Variants in CYP2R1 observed in about 807,000 individuals in gnomAD.
CYP2R1 encodes vitamin D 25-hydroxylase.
In CYP2R1, 40 loss-of-function variants were observed where a neutral mutation model predicts 45.7. That is an observed-to-expected ratio of 0.87 (90% CI 0.68 to 1.14). The LOEUF (loss-of-function observed/expected upper bound fraction) is 1.14. Ranked by LOEUF, CYP2R1 falls within the 50% of genes most tolerant of loss-of-function variation. CYP2R1 has a pLI of 0.00. For missense variants in CYP2R1, 605 were observed against 602.6 expected (o/e 1.00, Z -0.04); for synonymous variants, 234 against 219.3 (o/e 1.07, Z -0.59).
intron 2 of CYP2R1, among the ~76,000 whole-genome samples, chr11:14,881,987 A>T (rs926550189): frequency 2.0e-5 from 3 of 152,120 alleles, no homozygotes; most frequent in Non-Finnish European, 4.4e-5. Context: ...TTACATTCCA[A>T]CAACTTATTG....
chr11:14,891,319 AG>A (rs1848846544), intron 1 of CYP2R1: 3 of 985,274 alleles, frequency 3.0e-6, no homozygotes, highest in Admixed American at 6.2e-5. Flanking sequence ...GCGCCTTTTA[AG>A]TATCTGCTAA....
At chr11:14,885,466 C>T (rs901213634) in intron 2 of CYP2R1, among the ~76,000 whole-genome samples, 2 of 152,136 alleles carry the variant, frequency 1.3e-5, no homozygotes, top group East Asian at 1.9e-4. Flanking sequence ...AAGGGCACTT[C>T]GGATTCAAGT....
chr11:14,892,383 T>C (rs1848897797), upstream of CYP2R1: 9 of 643,270 alleles, frequency 1.4e-5, no homozygotes, highest in South Asian at 9.5e-5. Context: ...TTTGCGCGGC[T>C]GAGAGTGGAC....
Position 14,880,708 on chromosome 11 carries a change from C to G in CYP2R1, c.428G>C (p.Ser143Thr), listed in dbSNP as rs1848347781. 1.9e-6 allele frequency: 3 copies of G among 1,597,424 alleles called. No individual in the cohort carries two copies. In the Admixed American group the frequency reaches 5.4e-5, roughly 29 times the overall value. Residue 143 changes from serine to threonine, a missense_variant, in exon 3 of 5, where the codon AGT becomes ACT. By Grantham distance (58) the Ser-to-Thr change is moderately conservative. Coordinates refer to ENST00000334636, the MANE Select transcript of CYP2R1 (RefSeq NM_024514.5). Reference protein sequence around the residue: ...WVDHRRLAVNSFRYFGYGQKS... With the variant: ...WVDHRRLAVNTFRYFGYGQKS... ...TTGGCCATATCCAAAATATCGAAAA[C>G]TGTTTACAGCTAATCGTCTGTGATC...
At chr11:14,879,078 T>A in intron 4 of CYP2R1, 36 bp downstream of exon 4, 3 of 1,503,792 alleles carry the variant, frequency 2.0e-6, no homozygotes, top group Middle Eastern at 1.7e-4. Context: ...TCATTATCCT[T>A]TATTCTAAAG....
chr11:14,878,106 A>C lies in CYP2R1; in HGVS notation c.*16T>G. The stretch of plus-strand genomic sequence containing the variant: ...GCAAATATACATTCTTGTTCCCGAA[A>C]ACATCCCAGGCAGTTTCAGCGTCTT... On this transcript the variant is annotated 3_prime_UTR_variant, in exon 5 of 5. Coordinates refer to ENST00000334636, the MANE Select transcript of CYP2R1 (RefSeq NM_024514.5). The C allele has an allele frequency of 6.2e-7, 1 of 1,612,688 alleles. No homozygotes were observed. The highest frequency in any genetic ancestry group is 8.5e-7 in the Non-Finnish European group (1 of 1,179,164).
chr11:14,888,197 A>G (rs1016368823), intron 1 of CYP2R1, among the ~76,000 whole-genome samples: 6 of 152,144 alleles, frequency 3.9e-5, no homozygotes, highest in African/African-American at 7.2e-5. Flanking sequence ...CTCTTTGAAT[A>G]TATTATATAA....
intron 2 of CYP2R1, among the ~76,000 whole-genome samples, chr11:14,882,381 T>C (rs1172319542): frequency 6.6e-6 from 1 of 152,022 alleles, no homozygotes; most frequent in African/African-American, 2.4e-5. Flanking sequence ...GACAAGCAAA[T>C]ACCTGAGGAA....
At chr11:14,883,381 A>G (rs1238091801) in intron 2 of CYP2R1, among the ~76,000 whole-genome samples, 2 of 152,224 alleles carry the variant, frequency 1.3e-5, no homozygotes, top group East Asian at 1.9e-4. Flanking sequence ...ATAATGCCGC[A>G]TATCTACAAC....
At chr11:14,889,388 G>C (rs1394494367) in intron 1 of CYP2R1, among the ~76,000 whole-genome samples, 4 of 152,178 alleles carry the variant, frequency 2.6e-5, no homozygotes, top group African/African-American at 9.7e-5. Context: ...GAGATCTTTA[G>C]AGATGTTTCA....
Position 14,880,394 on chromosome 11 carries a change from T to G in CYP2R1, c.742A>C (p.Arg248=). 1 of 1,613,466 alleles carries G rather than the reference T, an allele frequency of 6.2e-7. No individual in the cohort carries two copies. The highest frequency in any genetic ancestry group is 8.5e-7 in the Non-Finnish European group (1 of 1,179,656). The change falls in exon 3 of 5, where the codon AGA becomes CGA. Residue 248 remains arginine, a synonymous_variant. Coordinates refer to ENST00000334636, the MANE Select transcript of CYP2R1 (RefSeq NM_024514.5). The part of the protein sequence containing the change: ...LPFGKHQQLF[R]NAAVVYDFLS... ...AAATCATAGACTACAGCTGCATTTC[T>G]AAACAGCTGTTGATGTTTTCCAAAA...
In CYP2R1 at chr11:14,879,360, C is replaced by T; in HGVS notation, c.1084G>A (p.Glu362Lys). 6.2e-7 allele frequency: 1 copy of T among 1,611,634 alleles called. No individual in the cohort carries two copies. Among genetic ancestry groups the T allele is most frequent in the Non-Finnish European group, 8.5e-7 (1 of 1,179,352 alleles). ...WDDKCKMPYTEAVLHEVLRFC... is the reference protein window; with the variant it reads ...WDDKCKMPYTKAVLHEVLRFC... ...CTTAAAACTTCATGCAAAACTGCCT[C>T]AGTATAAGGCATTTTGCATTTGTCG... The change falls in exon 4 of 5, where the codon GAG (glutamate) becomes AAG (lysine). Residue 362 changes from glutamate (E) to lysine (K), a missense_variant. By Grantham distance (56) the Glu-to-Lys change is moderately conservative (BLOSUM62 1). Transcript: ENST00000334636.
chr11:14,890,884 G>A, intron 1 of CYP2R1: 1 of 985,304 alleles, frequency 1.0e-6, no homozygotes, highest in Non-Finnish European at 1.2e-6. Context: ...GTTTAAGTAA[G>A]GATTTAAGGT....
intron 2 of CYP2R1, among the ~76,000 whole-genome samples, chr11:14,882,978 G>C (rs1848450987): frequency 6.6e-6 from 1 of 152,136 alleles, no homozygotes; most frequent in African/African-American, 2.4e-5. Flanking sequence ...ACTTACAAGG[G>C]ATGTGAAGGA....
At chr11:14,882,422 G>A (rs1205551139) in intron 2 of CYP2R1, among the ~76,000 whole-genome samples, 1 of 152,142 alleles carries the variant, frequency 6.6e-6, no homozygotes, top group Non-Finnish European at 1.5e-5. Flanking sequence ...AACAGCTAGT[G>A]CAATGGTGCC....
intron 1 of CYP2R1, chr11:14,891,356 G>C (rs1178113949): frequency 3.0e-6 from 3 of 985,392 alleles, no homozygotes; most frequent in South Asian, 4.7e-5. Context: ...CAGTCAGAAC[G>C]GCATTACCAT....
chr11:14,889,862 C>T (rs1383700690), intron 1 of CYP2R1, among the ~76,000 whole-genome samples: 1 of 152,180 alleles, frequency 6.6e-6, no homozygotes, highest in Non-Finnish European at 1.5e-5. Context: ...GGCGCAGTGG[C>T]TCACACCTGT....
intron 1 of CYP2R1, chr11:14,891,490 G>A: frequency 1.0e-6 from 1 of 993,012 alleles, no homozygotes; most frequent in Non-Finnish European, 1.2e-6. Context: ...CACAGCAAAC[G>A]CCTACACCAG....
At chr11:14,878,405 A>G in intron 4 of CYP2R1, 108 bp from the exon 5 acceptor site, 2 of 1,053,120 alleles carry the variant, frequency 1.9e-6, no homozygotes, top group African/African-American at 3.2e-5. Context: ...AAACAAAGAA[A>G]GAGGGAACTA....
Sources: allele counts gnomAD v4.1 joint callset (sites outside exome capture counted in the v4.1 genomes callset), GRCh38; gene constraint gnomAD v4.1.1; transcripts MANE v1.5; gene names NCBI Gene and HGNC (gene_info 2026-07-23, HGNC 2026-07-21).